Variants in IGSF21 observed in about 807,000 individuals in gnomAD.
IGSF21 encodes immunoglobin superfamily member 21.
In IGSF21, 28 loss-of-function variants were observed where a neutral mutation model predicts 46.8. The ratio of observed to expected loss-of-function variants is 0.60; its 90% confidence interval spans 0.44 to 0.82. The LOEUF (loss-of-function observed/expected upper bound fraction) is 0.82. IGSF21 is among the 40% of genes least tolerant of loss of function. IGSF21 has a pLI of 0.00. For missense variants in IGSF21, 624 were observed against 665.5 expected (o/e 0.94, Z 0.69); for synonymous variants, 284 against 273.6 (o/e 1.04, Z -0.38).
chr1:18,198,151 A>G (rs540490338), intron 1 of IGSF21, among the ~76,000 whole-genome samples: 2 of 152,338 alleles, frequency 1.3e-5, no homozygotes, highest in African/African-American at 4.8e-5. Context: ...TATAAAGATG[A>G]TGTACACAGT....
At chr1:18,354,788 A>G (rs1006787034) in intron 4 of IGSF21, among the ~76,000 whole-genome samples, 1 of 152,216 alleles carries the variant, frequency 6.6e-6, no homozygotes, top group Non-Finnish European at 1.5e-5. Context: ...TCCCCTATAC[A>G]TTGTTCTCAG....
rs1406924498 is a variant in IGSF21 at position 18,287,574 on chromosome 1, A to G, written c.184-4292A>G. ...TCTCGCTCTGGGGCCAGGCAAACCC[A>G]CACATCCACAGGGCTTGGCTTACCT... On this transcript the variant is annotated intron_variant, in intron 2 of 9. Transcript: ENST00000251296. 1.7e-4 allele frequency among the ~76,000 whole-genome samples: 26 copies of G among 152,184 alleles called. No individual in the cohort carries two copies. In the East Asian group the frequency reaches 5.0e-3, roughly 29 times the overall value.
At chr1:18,246,593 G>A in intron 2 of IGSF21, among the ~76,000 whole-genome samples, 1 of 152,182 alleles carries the variant, frequency 6.6e-6, no homozygotes, top group Non-Finnish European at 1.5e-5. Context: ...ACCCTACACG[G>A]GGTGCCTGAC....
At chr1:18,181,885 G>A (rs1452502158) in intron 1 of IGSF21, among the ~76,000 whole-genome samples, 3 of 152,066 alleles carry the variant, frequency 2.0e-5, no homozygotes, top group South Asian at 2.1e-4. Flanking sequence ...GAGGGACGGC[G>A]GGCTGTGTTC....
intron 1 of IGSF21, among the ~76,000 whole-genome samples, chr1:18,223,774 A>T (rs1241697970): frequency 6.6e-6 from 1 of 152,132 alleles, no homozygotes; most frequent in African/African-American, 2.4e-5. Flanking sequence ...TGCTGAAAAA[A>T]TGGGAGTGAG....
intron 2 of IGSF21, among the ~76,000 whole-genome samples, chr1:18,252,954 G>T (rs1410991645): frequency 6.6e-6 from 1 of 152,154 alleles, no homozygotes; most frequent in South Asian, 2.1e-4. Flanking sequence ...CTCAGAGCTT[G>T]ATACCTAGAA....
intron 1 of IGSF21, among the ~76,000 whole-genome samples, chr1:18,129,684 G>A (rs2086301372): frequency 6.6e-6 from 1 of 152,184 alleles, no homozygotes; most frequent in African/African-American, 2.4e-5. Flanking sequence ...AACCCCTCAT[G>A]GTAGGCATCT....
intron 2 of IGSF21, among the ~76,000 whole-genome samples, chr1:18,266,799 CT>C (rs1216847016): frequency 6.6e-6 from 1 of 152,218 alleles, no homozygotes; most frequent in African/African-American, 2.4e-5. Flanking sequence ...TTGCAATTCA[CT>C]ACGTGACACA....
chr1:18,122,193 C>CTTT (rs766563472), intron 1 of IGSF21, among the ~76,000 whole-genome samples: 237 of 78,278 alleles, frequency 3.0e-3, no homozygotes, highest in East Asian at 7.3e-3. Flanking sequence ...TTCTTTCTTT[C>CTTT]TTTTTTTTTT....
intron 2 of IGSF21, among the ~76,000 whole-genome samples, chr1:18,242,780 C>G (rs1034568922): frequency 6.6e-6 from 1 of 152,194 alleles, no homozygotes; most frequent in Non-Finnish European, 1.5e-5. Context: ...CCAGTTTATT[C>G]GTTCATCCCT....
At chr1:18,263,120 A>G (rs995061895) in intron 2 of IGSF21, among the ~76,000 whole-genome samples, 2 of 152,200 alleles carry the variant, frequency 1.3e-5, no homozygotes, top group African/African-American at 4.8e-5. Flanking sequence ...GGAGAGGTCA[A>G]TGGTGGAAAA....
intron 1 of IGSF21, among the ~76,000 whole-genome samples, chr1:18,128,636 C>A (rs1331908734): frequency 2.0e-5 from 3 of 152,166 alleles, no homozygotes; most frequent in Non-Finnish European, 2.9e-5. Flanking sequence ...TTATTTAATT[C>A]TTGCAGAACT....
At chr1:18,188,962 G>A (rs2086929767) in intron 1 of IGSF21, among the ~76,000 whole-genome samples, 1 of 152,328 alleles carries the variant, frequency 6.6e-6, no homozygotes, top group Non-Finnish European at 1.5e-5. Context: ...CTGCAGGGGT[G>A]AGGAGTGAGG....
rs999471194 is a variant in IGSF21, at chr1:18,337,288, C to G, written c.424+2278C>G. On this transcript the variant is annotated intron_variant, in intron 4 of 9. Coordinates refer to ENST00000251296, the MANE Select transcript of IGSF21 (RefSeq NM_032880.5). The surrounding 1 kb of genome is among the most constrained non-coding windows in gnomAD (Gnocchi z 5.7). ...GTGCTCCTGTGGGCCTCAATTTCCC[C>G]ATCTGTAAAACAGGGATAAGGATGC... Among the ~76,000 whole-genome samples, 4 of 152,208 alleles carry G rather than the reference C, an allele frequency of 2.6e-5. No homozygotes were observed. The highest frequency in any genetic ancestry group is 2.6e-4 in the Admixed American group (4 of 15,288).
chr1:18,344,514 G>A (rs2085873533), intron 4 of IGSF21, among the ~76,000 whole-genome samples: 1 of 152,132 alleles, frequency 6.6e-6, no homozygotes. Flanking sequence ...GAGCAAAACA[G>A]AAGTAACACC....
chr1:18,144,943 G>A (rs1213778652), intron 1 of IGSF21, among the ~76,000 whole-genome samples: 2 of 152,156 alleles, frequency 1.3e-5, no homozygotes, highest in Admixed American at 1.3e-4. Flanking sequence ...TGATTATGAT[G>A]GGTGAGTCCC....
intron 1 of IGSF21, among the ~76,000 whole-genome samples, chr1:18,127,962 CA>C (rs950228935): frequency 6.6e-6 from 1 of 152,002 alleles, no homozygotes; most frequent in Non-Finnish European, 1.5e-5. Context: ...ATCTGACATC[CA>C]TAACTATTTA....
At chr1:18,164,985 T>G (rs1214475825) in intron 1 of IGSF21, among the ~76,000 whole-genome samples, 2 of 148,978 alleles carry the variant, frequency 1.3e-5, no homozygotes, top group African/African-American at 4.9e-5. Context: ...ACATGCGGTG[T>G]TTGGTTTTTT....
intron 2 of IGSF21, among the ~76,000 whole-genome samples, chr1:18,247,048 CTTTTT>C (rs34980016): frequency 1.6e-5 from 2 of 122,420 alleles, no homozygotes; most frequent in African/African-American, 3.2e-5. Context: ...AGCTGGAATT[CTTTTT>C]TTTTTTTTTT....
Sources: gnomAD v4.1 joint callset for allele counts (sites outside exome capture counted in the v4.1 genomes callset) on GRCh38, gnomAD v4.1.1 for gene constraint, Gnocchi (gnomAD v3.1) non-coding constraint, MANE v1.5 for transcripts, NCBI Gene and HGNC (gene_info 2026-07-23, HGNC 2026-07-21) for gene names.